The following COL4A3 variants were observed in gnomAD, a reference collection of about 807,000 sequenced individuals.
The protein encoded by COL4A3 is collagen alpha-3(IV) chain.
Under a neutral mutation model 217.4 loss-of-function variants are expected in COL4A3, and 135 were observed. The observed-to-expected ratio is 0.62, with a 90% CI of 0.54 to 0.72. The LOEUF (loss-of-function observed/expected upper bound fraction) is 0.72, where lower values mean the gene tolerates loss of function less well. COL4A3 is among the 30% of genes least tolerant of loss of function. The probability of loss-of-function intolerance (pLI) is 0.00; values close to 1 mark genes in which losing one functional copy is unlikely to be tolerated. For synonymous variants in COL4A3, 690 were observed against 736.3 expected, an observed-to-expected ratio of 0.94 and a Z score of 1.02; for missense variants, 1,868 against 2,119.9, an observed-to-expected ratio of 0.88 and a Z score of 2.33.
chr2:227,192,008 T>C (rs2066261801), intron 1 of COL4A3, among the ~76,000 whole-genome samples: 1 of 152,238 alleles, frequency 6.6e-6, no homozygotes, highest in African/African-American at 2.4e-5. Context: ...AGTGAATTTC[T>C]TCATCTCTAA....
intron 20 of COL4A3, among the ~76,000 whole-genome samples, chr2:227,262,776 C>T (rs2070668541): frequency 6.6e-6 from 1 of 152,000 alleles, no homozygotes. Flanking sequence ...TTTATCGGCT[C>T]TAAGAGTTTT....
At chr2:227,291,318 C>A (rs2072690805) in intron 37 of COL4A3, among the ~76,000 whole-genome samples, 1 of 152,002 alleles carries the variant, frequency 6.6e-6, no homozygotes, top group Non-Finnish European at 1.5e-5. Context: ...AATCCTAGCA[C>A]TTTGGGAGGC....
intron 1 of COL4A3, among the ~76,000 whole-genome samples, chr2:227,187,499 G>T (rs766411373): frequency 6.6e-6 from 1 of 152,144 alleles, no homozygotes; most frequent in Non-Finnish European, 1.5e-5. Flanking sequence ...TTTCTTGCAG[G>T]GGAGGAAGCT....
At chr2:227,268,396 C>T (rs997583804) in intron 23 of COL4A3, 1 of 152,378 alleles carries the variant, frequency 6.6e-6, no homozygotes, top group African/African-American at 2.4e-5. Flanking sequence ...TCGCCTGTCT[C>T]CTAGGGGGCT....
intron 8 of COL4A3, among the ~76,000 whole-genome samples, chr2:227,247,851 AG>A (rs1457645902): frequency 6.6e-6 from 1 of 152,166 alleles, no homozygotes; most frequent in Non-Finnish European, 1.5e-5. Flanking sequence ...CCTCATGCTC[AG>A]GGCCCCACAT....
intron 2 of COL4A3, among the ~76,000 whole-genome samples, chr2:227,239,374 AG>A (rs2068885122): frequency 6.6e-6 from 1 of 151,802 alleles, no homozygotes; most frequent in Non-Finnish European, 1.5e-5. Context: ...ATTTTGTATA[AG>A]GGACTTAAGA....
chr2:227,291,568 AAAAAAAAAAAAC>A (rs1257012481), intron 37 of COL4A3, among the ~76,000 whole-genome samples: 2,396 of 24,600 alleles, frequency 0.097, 132 homozygotes, highest in African/African-American at 0.23. Context: ...GTCTCAAAAA[AAAAAAAAAAAAC>A]AAAAAAAAAA....
chr2:227,224,679 C>A (rs191167226), intron 1 of COL4A3, among the ~76,000 whole-genome samples: 93 of 151,924 alleles, frequency 6.1e-4, no homozygotes, highest in Non-Finnish European at 1.0e-3. Context: ...CGCTTGAACC[C>A]GGGAGGCAGA....
chr2:227,298,335 G>A (rs12476749), intron 42 of COL4A3, among the ~76,000 whole-genome samples: 113,922 of 151,480 alleles, frequency 0.75, 44,436 homozygotes, highest in Non-Finnish European at 0.87. Flanking sequence ...CTGGGCAACA[G>A]AACAAAACTG....
At chr2:227,230,992 T>C (rs2068372622) in intron 1 of COL4A3, among the ~76,000 whole-genome samples, 1 of 152,210 alleles carries the variant, frequency 6.6e-6, no homozygotes. Flanking sequence ...ATTATGTAGC[T>C]GCACAAGCAA....
At chr2:227,172,517 C>T (rs1008918951) in intron 1 of COL4A3, among the ~76,000 whole-genome samples, 9 of 150,608 alleles carry the variant, frequency 6.0e-5, no homozygotes, top group Admixed American at 5.3e-4. Context: ...CCTTCTTCTT[C>T]GTCTTTGTCA....
chr2:227,217,322 GT>G (rs1268463558), intron 1 of COL4A3, among the ~76,000 whole-genome samples: 1 of 152,192 alleles, frequency 6.6e-6, no homozygotes, highest in Admixed American at 6.5e-5. Context: ...TGAGATTTGG[GT>G]GGGGACACAG....
At chr2:227,242,375 T>C (rs182341243) in intron 3 of COL4A3, among the ~76,000 whole-genome samples, 2 of 152,218 alleles carry the variant, frequency 1.3e-5, no homozygotes, top group Admixed American at 6.5e-5. Flanking sequence ...GGAGTTAAGG[T>C]GCATTACCGT....
chr2:227,206,804 CAT>C (rs1349864695), intron 1 of COL4A3, among the ~76,000 whole-genome samples: 3 of 152,220 alleles, frequency 2.0e-5, no homozygotes, highest in Non-Finnish European at 2.9e-5. Context: ...TGCAGGTTTA[CAT>C]GTCTTAGCTA....
At chr2:227,180,464 A>T (rs2065833983) in intron 1 of COL4A3, among the ~76,000 whole-genome samples, 1 of 152,196 alleles carries the variant, frequency 6.6e-6, no homozygotes, top group African/African-American at 2.4e-5. Context: ...TTCAGAGCCC[A>T]TGTGACCTGA....
At chr2:227,248,641 T>C (rs1039482006) in intron 9 of COL4A3, 121 bp downstream of exon 9, 16 of 680,006 alleles carry the variant, frequency 2.4e-5, no homozygotes, top group African/African-American at 2.2e-4. Flanking sequence ...CTTAAGAAGA[T>C]TTTAAATAGA....
intron 37 of COL4A3, among the ~76,000 whole-genome samples, chr2:227,292,419 T>C (rs918926249): frequency 3.3e-5 from 5 of 152,220 alleles, no homozygotes; most frequent in Non-Finnish European, 7.3e-5. Flanking sequence ...AATTAACTGA[T>C]AGTTTCATTT....
intron 1 of COL4A3, among the ~76,000 whole-genome samples, chr2:227,230,386 G>A (rs1431786281): frequency 6.6e-6 from 1 of 152,124 alleles, no homozygotes; most frequent in Admixed American, 6.5e-5. Context: ...AGAGCTTTCT[G>A]TTCATGACAA....
At chr2:227,285,309 C>T (rs1476204685) in intron 34 of COL4A3, among the ~76,000 whole-genome samples, 2 of 74,730 alleles carry the variant, frequency 2.7e-5, no homozygotes, top group African/African-American at 8.7e-5. Context: ...AAAAAATTTG[C>T]ACAGGGTGCT....
Sources: allele counts gnomAD v4.1 joint callset (sites outside exome capture counted in the v4.1 genomes callset), GRCh38; gene constraint gnomAD v4.1.1; transcripts MANE v1.5; gene names NCBI Gene and HGNC (gene_info 2026-07-23, HGNC 2026-07-21).